The following NOTCH2 variants were observed in gnomAD, a reference collection of about 807,000 sequenced individuals.
NOTCH2 encodes notch receptor 2.
NOTCH2 carries 29 observed loss-of-function variants against 235.8 expected under a neutral mutation model. The observed-to-expected ratio is 0.12, with a 90% CI of 0.09 to 0.17. The LOEUF (loss-of-function observed/expected upper bound fraction) is 0.17, where lower values mean the gene tolerates loss of function less well. Among genes scored for constraint, NOTCH2 ranks in the 10% least tolerant of loss-of-function variants. The probability of loss-of-function intolerance (pLI) is 1.00; values close to 1 mark genes in which losing one functional copy is unlikely to be tolerated. For synonymous variants in NOTCH2, 1,086 were observed against 1,141.5 expected (o/e 0.95, Z 0.98); for missense variants, 2,285 against 3,150.2 (o/e 0.73, Z 6.57).
chr1:119,932,153 C>T (rs1166328116), intron 22 of NOTCH2, among the ~76,000 whole-genome samples: 1 of 151,980 alleles, frequency 6.6e-6, no homozygotes, highest in Non-Finnish European at 1.5e-5. Context: ...CACATATTAT[C>T]CAATCCAGCG....
Position 119,929,196 on chromosome 1 carries a change from C to T in NOTCH2, c.3672G>A (p.Glu1224=). The part of the protein sequence containing the change: ...PPGTRGLLCE[E]NIDDCARGPH... ...GACCCCGGGCACAGTCATCAATGTT[C>T]TCTTCACAGAGTAGGCCTGGAGGAA... is the stretch of plus-strand genomic sequence containing the variant. The change falls in exon 23 of 34, where the codon GAG becomes GAA. Residue 1224 remains glutamate (E), a synonymous_variant. Transcript: ENST00000256646. The T allele has an allele frequency of 6.2e-7, 1 of 1,613,930 alleles. No individual in the cohort carries two copies. The highest frequency in any genetic ancestry group is 2.2e-5 in the East Asian group (1 of 44,890).
At position 119,911,679 on chromosome 1, in the gene NOTCH2, T is replaced by C. The variant is rs1648901358; in HGVS notation, c.*3627A>G. Reference sequence around the variant, plus strand: ...TTCTACACAAATTTCACTTAAGGAATGTTACAAACCAATCATTTACATAAC... The same window carrying C: ...TTCTACACAAATTTCACTTAAGGAACGTTACAAACCAATCATTTACATAAC... On this transcript the variant is annotated 3_prime_UTR_variant, in exon 34 of 34. Transcript: ENST00000256646. 1 of 233,032 alleles carries C rather than the reference T, an allele frequency of 4.3e-6. No individual in the cohort carries two copies. Among genetic ancestry groups the C allele is most frequent in the Non-Finnish European group, 8.5e-6 (1 of 117,990 alleles). The allele number at this position is 233,032 out of a possible 1,614,324, so 14.4% of individuals were successfully genotyped here.
chr1:119,944,395 C>T (rs930553515), intron 17 of NOTCH2, among the ~76,000 whole-genome samples: 6 of 151,890 alleles, frequency 4.0e-5, no homozygotes, highest in African/African-American at 1.5e-4. Context: ...ATCAGCCGGG[C>T]GTGGTGGCGG....
intron 19 of NOTCH2, 114 bp downstream of exon 19, chr1:119,940,441 C>T (rs1385046083): frequency 6.4e-6 from 6 of 939,416 alleles, no homozygotes; most frequent in South Asian, 1.5e-5. Context: ...CTCAGGGAAT[C>T]CCTGAGATCC....
chr1:119,978,980 G>C (rs1181597205), intron 5 of NOTCH2, among the ~76,000 whole-genome samples: 1 of 152,080 alleles, frequency 6.6e-6, no homozygotes, highest in Non-Finnish European at 1.5e-5. Context: ...AAGCACACTG[G>C]GAAAATTATT....
chr1:119,915,429 G>C lies in NOTCH2; in HGVS notation c.7293C>G (p.His2431Gln), dbSNP rs1375516873. ...TCACATCTGACCAGTCAGAAGCAGA[G>C]TGGGGTGATGAACTTGACCACTGGT... ...SPDQWSSSSP[H>Q]SASDWSDVTT... The change falls in exon 34 of 34, where the codon CAC becomes CAG. Residue 2431 changes from histidine to glutamine, a missense_variant. This residue lies in a region of NOTCH2 where 504 missense variants were observed against 538.0 expected (regional missense o/e 0.94). Transcript: ENST00000256646. The C allele has an allele frequency of 1.9e-6, 3 of 1,614,186 alleles. No individual in the cohort carries two copies. The South Asian group carries it at 3.3e-5, about 18-fold the overall frequency.
At chr1:120,018,033 C>T (rs1653517665) in intron 2 of NOTCH2, among the ~76,000 whole-genome samples, 2 of 151,254 alleles carry the variant, frequency 1.3e-5, no homozygotes. Flanking sequence ...TCTTTCCATT[C>T]CCCAATGTTG....
intron 6 of NOTCH2, among the ~76,000 whole-genome samples, chr1:119,968,794 T>C (rs1367406770): frequency 6.6e-6 from 1 of 152,198 alleles, no homozygotes; most frequent in African/African-American, 2.4e-5. Flanking sequence ...GCTTCCTGTT[T>C]TATATAGTTC....
chr1:120,042,021 G>A (rs1334736969), intron 1 of NOTCH2, among the ~76,000 whole-genome samples: 1 of 144,372 alleles, frequency 6.9e-6, no homozygotes. Context: ...GAGCGAACGA[G>A]CAGATGCCCT....
intron 2 of NOTCH2, among the ~76,000 whole-genome samples, chr1:120,025,341 C>A (rs376816280): frequency 6.6e-6 from 1 of 151,900 alleles, no homozygotes; most frequent in African/African-American, 2.4e-5. Flanking sequence ...CTTAGAGGGG[C>A]TTAATGAACA....
chr1:119,923,318 A>G (rs587618682), intron 26 of NOTCH2, among the ~76,000 whole-genome samples: 5 of 152,280 alleles, frequency 3.3e-5, no homozygotes, highest in Non-Finnish European at 7.4e-5. Flanking sequence ...CCTTAACAAT[A>G]AGGCAATGAT....
At chr1:120,053,683 A>G (rs1200940989) in intron 1 of NOTCH2, among the ~76,000 whole-genome samples, 12 of 141,164 alleles carry the variant, frequency 8.5e-5, no homozygotes, top group Non-Finnish European at 1.8e-4. Flanking sequence ...GCCATGAAGC[A>G]GAGCCTAAAA....
Position 119,929,123 on chromosome 1 carries a change from T to C in NOTCH2, c.3745A>G (p.Ser1249Gly). Residue 1249 changes from serine (S) to glycine (G), a missense_variant, in exon 23 of 34, where the codon AGT becomes GGT. Coordinates refer to ENST00000256646, the MANE Select transcript of NOTCH2 (RefSeq NM_024408.4). ...GQCMDRIGGY[S>G]CRCLPGFAGE... is the part of the protein sequence containing the mutation. ...GCAAAGCCAGGCAAGCAGCGACAAC[T>C]GTAGCCTCCAATCCTATCCATGCAC... 4 of 1,614,154 alleles carry C rather than the reference T, an allele frequency of 2.5e-6. No homozygotes were observed. Among genetic ancestry groups the C allele is most frequent in the African/African-American group, 2.7e-5 (2 of 75,034 alleles).
chr1:119,923,116 T>G (rs1463487445), intron 26 of NOTCH2, among the ~76,000 whole-genome samples: 1 of 152,210 alleles, frequency 6.6e-6, no homozygotes, highest in African/African-American at 2.4e-5. Context: ...ACCTACTCAG[T>G]GGTACTTGGT....
chr1:120,007,009 G>T (rs1339312960), intron 2 of NOTCH2, among the ~76,000 whole-genome samples: 1 of 152,200 alleles, frequency 6.6e-6, no homozygotes, highest in African/African-American at 2.4e-5. Context: ...AGAAAACAGG[G>T]TGGTGAATAG....
intron 2 of NOTCH2, among the ~76,000 whole-genome samples, chr1:120,017,556 AC>A (rs1553208298): frequency 6.6e-6 from 1 of 151,940 alleles, no homozygotes. Context: ...TGGAATCTTT[AC>A]CCCTTAAAAA....
In NOTCH2 at chr1:119,941,669, G is replaced by A. The variant is rs2101105522; in HGVS notation, c.2838C>T (p.Cys946=). 6.2e-7 allele frequency: 1 copy of A among 1,614,056 alleles called. No individual in the cohort carries two copies. The highest frequency in any genetic ancestry group is 8.5e-7 in the Non-Finnish European group (1 of 1,179,962). The part of the protein sequence containing the change: ...LCLPGFTGDK[C]QTDMNECLSE... ...TCAGACACTCATTCATGTCTGTCTG[G>A]CACTTATCCCCAGTGAAACCCGGAA... is the stretch of plus-strand genomic sequence containing the variant. Residue 946 remains cysteine (C), a synonymous_variant, in exon 18 of 34, where the codon TGC becomes TGT. Transcript: ENST00000256646.
rs1649073660 is a variant in NOTCH2 at position 119,916,430 on chromosome 1, G to T, written c.6292C>A (p.Pro2098Thr). 6.2e-7 allele frequency: 1 copy of T among 1,614,088 alleles called. No individual in the cohort carries two copies. Among genetic ancestry groups the T allele is most frequent in the South Asian group, 1.1e-5 (1 of 91,086 alleles). The change falls in exon 34 of 34, where the codon CCA (proline) becomes ACA (threonine). Residue 2098 changes from proline (P) to threonine (T), a missense_variant. Coordinates refer to ENST00000256646, the MANE Select transcript of NOTCH2 (RefSeq NM_024408.4). The part of the protein sequence containing the change: ...NRSFLSLKHT[P>T]MGKKSRRPSA... ...GGCCGTCTAGACTTCTTGCCCATTG[G>T]GGTGTGCTTCAGGCTGAGGAAAGAT... is the stretch of plus-strand genomic sequence containing the variant.
chr1:119,927,599 T>C (rs1313800528), intron 23 of NOTCH2, among the ~76,000 whole-genome samples: 1 of 152,106 alleles, frequency 6.6e-6, no homozygotes, highest in Non-Finnish European at 1.5e-5. Context: ...TACTTCAAAG[T>C]GGTCTCCATT....
Sources: gnomAD v4.1 joint callset for allele counts (sites outside exome capture counted in the v4.1 genomes callset) on GRCh38, gnomAD v4.1.1 for gene constraint, gnomAD v4.1.1 regional missense constraint, MANE v1.5 for transcripts, NCBI Gene and HGNC (gene_info 2026-07-23, HGNC 2026-07-21) for gene names.